Variants in EIF2AK4 observed in about 807,000 individuals in gnomAD.
EIF2AK4 encodes eukaryotic translation initiation factor 2 alpha kinase 4, also known as eIF-2-alpha kinase GCN2.
EIF2AK4 carries 139 observed loss-of-function variants against 211.1 expected under a neutral mutation model. The observed-to-expected ratio is 0.66, with a 90% CI of 0.57 to 0.76. EIF2AK4 has a LOEUF of 0.76. Ranked by LOEUF, EIF2AK4 falls within the 30% of genes least tolerant of loss-of-function variation. The pLI is 0.00. For missense variants in EIF2AK4, 1,664 were observed against 2,043.8 expected (o/e 0.81, Z 3.58); for synonymous variants, 710 against 751.3 (o/e 0.94, Z 0.90).
At chr15:40,019,995 C>G (rs1305900157) in intron 30 of EIF2AK4, among the ~76,000 whole-genome samples, 3 of 151,556 alleles carry the variant, frequency 2.0e-5, no homozygotes, top group Non-Finnish European at 4.4e-5. Flanking sequence ...CCCATCTCTA[C>G]CAAAAAAATA....
chr15:40,017,513 A>T (rs1386020045), intron 29 of EIF2AK4, among the ~76,000 whole-genome samples: 2 of 10,202 alleles, frequency 2.0e-4, no homozygotes, highest in Admixed American at 8.2e-4. Context: ...ATATATATAT[A>T]TATATATATA....
intron 25 of EIF2AK4, among the ~76,000 whole-genome samples, chr15:40,009,171 C>T (rs1014480772): frequency 2.6e-5 from 4 of 151,648 alleles, no homozygotes; most frequent in Non-Finnish European, 5.9e-5. Context: ...AGCTCACTAG[C>T]CCCTACCTTC....
intron 35 of EIF2AK4, 134 bp from the exon 36 acceptor site, chr15:40,032,035 C>G: frequency 1.2e-6 from 1 of 822,544 alleles, no homozygotes; most frequent in Non-Finnish European, 2.0e-6. Flanking sequence ...CAAGGGCAAA[C>G]CTTTAGACAC....
chr15:39,985,614 C>CA (rs1037466754), intron 13 of EIF2AK4, among the ~76,000 whole-genome samples, 191 bp from the exon 14 acceptor site: 8 of 152,176 alleles, frequency 5.3e-5, no homozygotes, highest in African/African-American at 1.7e-4. Flanking sequence ...CCTACCAACC[C>CA]AAAAAAGACC....
rs745554018 is a variant in EIF2AK4 at position 39,998,730 on chromosome 15, G to A, written c.2869-1G>A. On this transcript the variant is annotated splice_acceptor_variant, in intron 19 of 38. Coordinates refer to ENST00000263791, the MANE Select transcript of EIF2AK4 (RefSeq NM_001013703.4). LOFTEE classifies it high-confidence loss of function. The stretch of plus-strand genomic sequence containing the variant: ...TTGCTGATTTGAATATATTTTTTTA[G>A]CCCACTTCGCCTAAGTTTCCAGAAG... 6.2e-7 allele frequency: 1 copy of A among 1,611,692 alleles called. No homozygotes were observed. Among genetic ancestry groups the A allele is most frequent in the Non-Finnish European group, 8.5e-7 (1 of 1,178,814 alleles).
chr15:39,973,758 C>G lies in EIF2AK4; in HGVS notation c.1818+9C>G, dbSNP rs750928786. 6.2e-7 allele frequency: 1 copy of G among 1,613,858 alleles called. No individual in the cohort carries two copies. Among genetic ancestry groups the G allele is most frequent in the Non-Finnish European group, 8.5e-7 (1 of 1,179,818 alleles). On this transcript the variant is annotated intron_variant, in intron 11 of 38. Coordinates refer to ENST00000263791, the MANE Select transcript of EIF2AK4 (RefSeq NM_001013703.4). ...TTGGAGCTGTCATCAAGGTGTGGTA[C>G]AGAGTCATTCCCAGTCCCCTTTAGA...
At chr15:40,005,797 T>G (rs1229790131) in intron 23 of EIF2AK4, among the ~76,000 whole-genome samples, 1 of 151,982 alleles carries the variant, frequency 6.6e-6, no homozygotes. Flanking sequence ...GGTCTTGATC[T>G]CCTGACCTCG....
chr15:39,946,533 T>A, intron 3 of EIF2AK4: 1 of 702,214 alleles, frequency 1.4e-6, no homozygotes, highest in South Asian at 1.5e-5. Context: ...GCTGTGAACA[T>A]TGTTGAAATG....
intron 36 of EIF2AK4, 58 bp from the exon 37 acceptor site, chr15:40,032,699 T>C: frequency 2.0e-6 from 3 of 1,504,452 alleles, no homozygotes; most frequent in Admixed American, 1.7e-5. Context: ...CGTGACACTA[T>C]GGTCACAAGG....
chr15:39,991,622 C>T (rs964408262), intron 16 of EIF2AK4: 1 of 152,848 alleles, frequency 6.5e-6, no homozygotes, highest in Non-Finnish European at 1.5e-5. Flanking sequence ...GATGGTGATG[C>T]TTGTAATGGG....
intron 14 of EIF2AK4, 25 bp from the exon 15 acceptor site, chr15:39,987,958 A>T: frequency 6.2e-7 from 1 of 1,610,568 alleles, no homozygotes; most frequent in South Asian, 1.1e-5. Context: ...GTGTAATCAA[A>T]TTCTCCTGGT....
At position 40,030,458 on chromosome 15, in the gene EIF2AK4, T is replaced by A; in HGVS notation, c.4659+2T>A. ...ACTAGGAGGCGCTATGAAACTCAGG[T>A]ACACTGGGTCAGGGTTTCTTTGGCT... On this transcript the variant is annotated splice_donor_variant, in intron 35 of 38. Coordinates refer to ENST00000263791, the MANE Select transcript of EIF2AK4 (RefSeq NM_001013703.4). LOFTEE classifies it high-confidence loss of function. The A allele has an allele frequency of 6.2e-7, 1 of 1,613,438 alleles. No homozygotes were observed.
intron 26 of EIF2AK4, 132 bp from the exon 27 acceptor site, chr15:40,011,149 C>A: frequency 1.8e-6 from 1 of 552,518 alleles, no homozygotes; most frequent in Non-Finnish European, 3.1e-6. Context: ...TCACAGAATT[C>A]AATCTATCCT....
chr15:40,009,879 A>C lies in EIF2AK4; in HGVS notation c.3693+149A>C, dbSNP rs2035212970. On this transcript the variant is annotated intron_variant, in intron 26 of 38. Transcript: ENST00000263791. The stretch of plus-strand genomic sequence containing the variant: ...TCCTTCATTGCTCTAAATTGAAAGA[A>C]CCAATTGATTTTAATTATATCAACA... The C allele has an allele frequency of 6.3e-6, 4 of 631,786 alleles. No individual in the cohort carries two copies. In the South Asian group the frequency reaches 7.9e-5, roughly 12 times the overall value. The allele number at this position is 631,786 out of a possible 1,614,324, so 39.1% of individuals were successfully genotyped here.
At chr15:40,012,147 C>T (rs2035243329) in intron 27 of EIF2AK4, among the ~76,000 whole-genome samples, 3 of 152,102 alleles carry the variant, frequency 2.0e-5, no homozygotes, top group African/African-American at 7.2e-5. Context: ...AAGAGTCACT[C>T]AATCTTTCGG....
chr15:39,955,840 G>A lies in EIF2AK4; in HGVS notation c.743+72G>A, dbSNP rs555197077. The A allele has an allele frequency of 7.6e-6, 11 of 1,455,792 alleles. No homozygotes were observed. In the African/African-American group the frequency reaches 1.6e-4, roughly 21 times the overall value. 90.2% of individuals were successfully genotyped at this position (1,455,792 alleles called of 1,614,324 possible). A position where few individuals can be genotyped will look rare whatever the true frequency, so the allele number is the denominator to read the frequency against. On this transcript the variant is annotated intron_variant, in intron 6 of 38. Transcript: ENST00000263791. ...GATTTTACTACATTGAAGATGTAGTGAAATTTGATGGAAATTTCAGGCGAT... is the reference window on the plus strand; with the variant it reads ...GATTTTACTACATTGAAGATGTAGTAAAATTTGATGGAAATTTCAGGCGAT...
chr15:39,998,215 AT>A (rs34957338), intron 19 of EIF2AK4, among the ~76,000 whole-genome samples: 2 of 131,528 alleles, frequency 1.5e-5, no homozygotes, highest in Non-Finnish European at 3.2e-5. Flanking sequence ...GGAAGTAGAG[AT>A]TTTTTTTCTC....
Position 39,976,775 on chromosome 15 carries a change from G to A in EIF2AK4, c.2180G>A (p.Gly727Asp). 1.9e-6 allele frequency: 3 copies of A among 1,590,624 alleles called. No homozygotes were observed. Among genetic ancestry groups the A allele is most frequent in the East Asian group, 2.3e-5 (1 of 43,424 alleles). Residue 727 changes from glycine to aspartate, a missense_variant, in exon 12 of 39, where the codon GGC (glycine) becomes GAC (aspartate). Around this residue, in one of 7 missense-constraint regions of EIF2AK4, gnomAD observed 206 missense variants for 201.9 expected, o/e 1.02. Transcript: ENST00000263791. ...GCCAGTGCCCGTTTCCCCGCCACCG[G>A]CCCGGGCTCCAGCGATGACGAGGAC... ...RSASARFPATGPGSSDDEDDD... is the reference protein window; with the variant it reads ...RSASARFPATDPGSSDDEDDD...
intron 27 of EIF2AK4, among the ~76,000 whole-genome samples, chr15:40,012,037 C>T (rs1172935631): frequency 6.6e-6 from 1 of 152,002 alleles, no homozygotes; most frequent in Non-Finnish European, 1.5e-5. Flanking sequence ...TTTCCCGGAA[C>T]CTGTCTAGGC....
Sources: gnomAD v4.1 joint callset for allele counts (sites outside exome capture counted in the v4.1 genomes callset) on GRCh38, gnomAD v4.1.1 for gene constraint, gnomAD v4.1.1 regional missense constraint, MANE v1.5 for transcripts, NCBI Gene and HGNC (gene_info 2026-07-23, HGNC 2026-07-21) for gene names.